The following BIRC6 variants were observed in gnomAD, a reference collection of about 807,000 sequenced individuals.
BIRC6 encodes the protein dual E2 ubiquitin-conjugating enzyme/E3 ubiquitin-protein ligase BIRC6.
A neutral mutation model predicts 503.3 loss-of-function variants in BIRC6; 98 were observed. The ratio of observed to expected loss-of-function variants is 0.19; its 90% CI spans 0.17 to 0.23. The LOEUF is 0.23. Ranked by LOEUF, BIRC6 falls within the 10% of genes least tolerant of loss-of-function variation. The pLI is 1.00. For missense variants in BIRC6, 5,360 were observed against 5,806.0 expected, an observed-to-expected ratio of 0.92 and a Z score of 2.50; for synonymous variants, 2,240 against 2,078.7, an observed-to-expected ratio of 1.08 and a Z score of -2.11.
rs764484444 is a variant in BIRC6, at chr2:32,595,050, A to T, written c.13518A>T (p.Glu4506Asp). 6.3e-7 allele frequency: 1 copy of T among 1,589,760 alleles called. No individual in the cohort carries two copies. Among genetic ancestry groups the T allele is most frequent in the Non-Finnish European group, 8.5e-7 (1 of 1,171,428 alleles). ...AAATAACAGAAAAAAAACTGGGTGA[A>T]TACTCCAAGAAGGCGGCTATGAAAC... is the stretch of plus-strand genomic sequence containing the variant. ...RQANQEKKLG[E>D]YSKKAAMKPK... is the part of the protein sequence containing the mutation. Residue 4506 changes from glutamate (E) to aspartate (D), a missense_variant, in exon 68 of 74, where the codon GAA becomes GAT. By Grantham distance (45) the Glu-to-Asp change is conservative. Coordinates refer to ENST00000421745, the MANE Select transcript of BIRC6 (RefSeq NM_016252.4).
intron 65 of BIRC6, among the ~76,000 whole-genome samples, chr2:32,571,787 TCTTA>T (rs1449242659): frequency 3.9e-5 from 6 of 152,260 alleles, no homozygotes; most frequent in South Asian, 4.1e-4. Context: ...TGTGGATTGT[TCTTA>T]CTTTTCTAGT....
At chr2:32,443,454 A>C in intron 19 of BIRC6, 37 bp from the exon 20 acceptor site, 2 of 1,420,748 alleles carry the variant, frequency 1.4e-6, no homozygotes, top group East Asian at 4.8e-5. Flanking sequence ...GACCTTGAGT[A>C]ATGTCTTTAC....
In BIRC6 at chr2:32,594,072, T is replaced by G. The variant is rs755526921; in HGVS notation, c.13501+12T>G. ...GCAAGCAAATCAGGGTACAAAACTT[T>G]TCCTATTATGCCACTTTTCATTTGA... On this transcript the variant is annotated intron_variant, in intron 67 of 73. Coordinates refer to ENST00000421745, the MANE Select transcript of BIRC6 (RefSeq NM_016252.4). 13 of 1,598,422 alleles carry G rather than the reference T, an allele frequency of 8.1e-6. No individual in the cohort carries two copies. Among genetic ancestry groups the G allele is most frequent in the Non-Finnish European group, 1.1e-5 (13 of 1,173,370 alleles).
rs1558874487 is a variant in BIRC6, at chr2:32,490,064, G to T, written c.8119G>T (p.Val2707Leu). 1 of 1,612,746 alleles carries T rather than the reference G, an allele frequency of 6.2e-7. No homozygotes were observed. Among genetic ancestry groups the T allele is most frequent in the South Asian group, 1.1e-5 (1 of 91,048 alleles). Residue 2707 changes from valine (V) to leucine (L), a missense_variant, in exon 43 of 74, where the codon GTG becomes TTG. Val to Leu is a conservative substitution (Grantham distance 32, BLOSUM62 1). Transcript: ENST00000421745. Reference sequence around the variant, plus strand: ...AGCATCAATAACTAGCTTTCTCACAGTGTTAGCTTGGTATCCCAATACTTT... The same window carrying T: ...AGCATCAATAACTAGCTTTCTCACATTGTTAGCTTGGTATCCCAATACTTT... Reference protein sequence around the residue: ...NQASITSFLTVLAWYPNTLLR... With the variant: ...NQASITSFLTLLAWYPNTLLR...
Position 32,464,501 on chromosome 2 carries a change from T to C in BIRC6, c.4942-8T>C. ...AGTCTATATATGTTGCTTTTACTTCTTTTGCAGAAAGCAAAGCTGGAAGCC... is the reference window on the plus strand; with the variant it reads ...AGTCTATATATGTTGCTTTTACTTCCTTTGCAGAAAGCAAAGCTGGAAGCC... On this transcript the variant is annotated splice_polypyrimidine_tract_variant and splice_region_variant and intron_variant, in intron 24 of 73. Transcript: ENST00000421745. 6.4e-7 allele frequency: 1 copy of C among 1,553,372 alleles called. No individual in the cohort carries two copies. The highest frequency in any genetic ancestry group is 8.7e-7 in the Non-Finnish European group (1 of 1,147,374).
rs867146050 is a variant in BIRC6 at position 32,508,300 on chromosome 2, T to G, written c.9980+41T>G. 1.6e-5 allele frequency: 21 copies of G among 1,287,436 alleles called. 1 individual carries two copies. The Admixed American group carries it at 3.0e-4, about 18-fold the overall frequency. The allele number at this position is 1,287,436 out of a possible 1,614,324, so 79.8% of individuals were successfully genotyped here. On this transcript the variant is annotated intron_variant, in intron 51 of 73. Coordinates refer to ENST00000421745, the MANE Select transcript of BIRC6 (RefSeq NM_016252.4). ...CCTTTTTTTTTTTTTTTTTTTTTTT[T>G]TTTGGCATGGTTGGGAGATAGGGGA...
At chr2:32,496,891 G>C (rs970113432) in intron 45 of BIRC6, among the ~76,000 whole-genome samples, 1 of 152,056 alleles carries the variant, frequency 6.6e-6, no homozygotes, top group African/African-American at 2.4e-5. Flanking sequence ...AGTTGTACTC[G>C]TTCGGACTTC....
Position 32,501,836 on chromosome 2 carries a change from T to G in BIRC6, c.9155T>G (p.Met3052Arg), listed in dbSNP as rs2053230025. 6.2e-7 allele frequency: 1 copy of G among 1,613,810 alleles called. No homozygotes were observed. The highest frequency in any genetic ancestry group is 1.7e-5 in the Admixed American group (1 of 59,986). ...TLSKKASTVH[M>R]MLQPILTYMA... ...AGTAAAAAAGCTTCTACAGTCCACA[T>G]GATGCTGCAGCCAATTTTAACATAC... Residue 3052 changes from methionine to arginine, a missense_variant, in exon 47 of 74, where the codon ATG becomes AGG. This residue lies in a region of BIRC6 where 267 missense variants were observed against 287.6 expected (regional missense o/e 0.93). Coordinates refer to ENST00000421745, the MANE Select transcript of BIRC6 (RefSeq NM_016252.4).
intron 70 of BIRC6, 111 bp from the exon 71 acceptor site, chr2:32,602,895 A>G: frequency 1.2e-6 from 1 of 847,170 alleles, no homozygotes; most frequent in East Asian, 2.8e-5. Flanking sequence ...TAGGGGACAT[A>G]TAAAACTGAG....
At chr2:32,556,333 T>A (rs886165763) in intron 65 of BIRC6, among the ~76,000 whole-genome samples, 9 of 152,328 alleles carry the variant, frequency 5.9e-5, no homozygotes, top group Admixed American at 3.3e-4. Context: ...TTTGTAAAGT[T>A]AAAGTATTAG....
In BIRC6 at chr2:32,402,825, G is replaced by T. The variant is rs78232568; in HGVS notation, c.1418+1202G>T. On this transcript the variant is annotated intron_variant, in intron 8 of 73. Coordinates refer to ENST00000421745, the MANE Select transcript of BIRC6 (RefSeq NM_016252.4). ...TCCTTCTAGGCACTTACTTTAATTT[G>T]AACTTTGTCTTGAAGTTTTGTAATT... 4.0e-4 allele frequency among the ~76,000 whole-genome samples: 61 copies of T among 152,214 alleles called. No homozygotes were observed. The East Asian group carries it at 9.9e-3, about 25-fold the overall frequency.
At chr2:32,563,554 G>A (rs893055411) in intron 65 of BIRC6, 2 of 152,158 alleles carry the variant, frequency 1.3e-5, no homozygotes, top group Non-Finnish European at 2.9e-5. Context: ...TCGTATTAGT[G>A]TTTTAAAGCA....
At chr2:32,384,796 C>T (rs1301758557) in intron 3 of BIRC6, among the ~76,000 whole-genome samples, 1 of 152,200 alleles carries the variant, frequency 6.6e-6, no homozygotes, top group Non-Finnish European at 1.5e-5. Flanking sequence ...TGAGCAAGCA[C>T]TGGAGTGCCC....
At chr2:32,456,762 A>G (rs1247228908) in intron 23 of BIRC6, among the ~76,000 whole-genome samples, 2 of 152,084 alleles carry the variant, frequency 1.3e-5, no homozygotes, top group African/African-American at 4.8e-5. Context: ...CAAATTCTCT[A>G]TCTTTATTGG....
At chr2:32,476,413 G>A (rs1426450340) in intron 34 of BIRC6, 69 bp downstream of exon 34, 27 of 1,459,424 alleles carry the variant, frequency 1.9e-5, no homozygotes, top group East Asian at 7.8e-5. Flanking sequence ...AATTACGATC[G>A]AGAAACTTAA....
At chr2:32,382,248 C>T (rs545594935) in intron 3 of BIRC6, among the ~76,000 whole-genome samples, 13 of 152,248 alleles carry the variant, frequency 8.5e-5, no homozygotes, top group African/African-American at 3.1e-4. Flanking sequence ...GGAGCTTGGA[C>T]GAGGGCGTTG....
chr2:32,366,604 G>T (rs2034967766), intron 1 of BIRC6, among the ~76,000 whole-genome samples: 1 of 152,110 alleles, frequency 6.6e-6, no homozygotes, highest in Non-Finnish European at 1.5e-5. Context: ...TAAGAACAGT[G>T]GGGACGCAAG....
intron 52 of BIRC6, 91 bp downstream of exon 52, chr2:32,510,085 G>C: frequency 7.1e-7 from 1 of 1,405,702 alleles, no homozygotes; most frequent in Non-Finnish European, 9.6e-7. Flanking sequence ...TCTGTTTTGG[G>C]AATTATTTTT....
At chr2:32,407,963 G>C (rs997796541) in intron 9 of BIRC6, among the ~76,000 whole-genome samples, 14 of 150,834 alleles carry the variant, frequency 9.3e-5, no homozygotes, top group African/African-American at 2.4e-4. Context: ...TTCTTTCTTT[G>C]TTTCTTTCTT....
Sources: gnomAD v4.1 joint callset for allele counts (sites outside exome capture counted in the v4.1 genomes callset) on GRCh38, gnomAD v4.1.1 for gene constraint, gnomAD v4.1.1 regional missense constraint, MANE v1.5 for transcripts, NCBI Gene and HGNC (gene_info 2026-07-23, HGNC 2026-07-21) for gene names.